The following FOXP2 variants were observed in gnomAD, a reference collection of about 807,000 sequenced individuals.
The protein encoded by FOXP2 is forkhead box protein P2.
Under a neutral mutation model 115.8 loss-of-function variants are expected in FOXP2, and 12 were observed. That is an observed-to-expected ratio of 0.10 (90% CI 0.07 to 0.17). The LOEUF (loss-of-function observed/expected upper bound fraction) is 0.17, where lower values mean the gene tolerates loss of function less well. Ranked by LOEUF, FOXP2 falls within the 10% of genes least tolerant of loss-of-function variation. The pLI is 1.00. For missense variants in FOXP2, 629 were observed against 843.5 expected (o/e 0.75, Z 3.15); for synonymous variants, 328 against 297.7 (o/e 1.10, Z -1.05).
chr7:114,257,030 C>T (rs1046149520), intron 1 of FOXP2, among the ~76,000 whole-genome samples: 1 of 152,156 alleles, frequency 6.6e-6, no homozygotes, highest in African/African-American at 2.4e-5. Context: ...CATCATGCTG[C>T]CTGACTTCAA....
intron 2 of FOXP2, among the ~76,000 whole-genome samples, chr7:114,512,047 A>G (rs1798103067): frequency 6.6e-6 from 1 of 152,166 alleles, no homozygotes; most frequent in South Asian, 2.1e-4. Context: ...TTATATTATT[A>G]TAACTTAAGA....
In FOXP2 at chr7:114,383,518, G is replaced by A. The variant is rs544702470; in HGVS notation, c.-10-42984G>A. ...CATAAACTACACTTTTTACATAATT[G>A]CGAGTTGTCTCTTAATGAAAAGAAA... On this transcript the variant is annotated intron_variant, in intron 2 of 17. Transcript: ENST00000634411. Among the ~76,000 whole-genome samples the A allele has an allele frequency of 2.0e-5, 3 of 152,218 alleles. No individual in the cohort carries two copies. The East Asian group carries it at 5.8e-4, about 29-fold the overall frequency.
intron 2 of FOXP2, among the ~76,000 whole-genome samples, chr7:114,520,866 G>A (rs1182144384): frequency 6.6e-6 from 1 of 152,098 alleles, no homozygotes; most frequent in East Asian, 1.9e-4. Context: ...AAGGCATTAT[G>A]ATAATGTGTA....
At chr7:114,132,858 G>A (rs1200985785) in intron 1 of FOXP2, among the ~76,000 whole-genome samples, 2 of 152,130 alleles carry the variant, frequency 1.3e-5, no homozygotes, top group Non-Finnish European at 2.9e-5. Context: ...TTCAGGGATA[G>A]AGAGCATAGG....
chr7:114,258,402 A>T (rs559510631), intron 1 of FOXP2, among the ~76,000 whole-genome samples: 42 of 152,314 alleles, frequency 2.8e-4, no homozygotes, highest in Middle Eastern at 6.8e-3. Context: ...TTATCTGGTG[A>T]AAAAGAAAAA....
chr7:114,112,959 A>G (rs985856360), intron 1 of FOXP2, among the ~76,000 whole-genome samples: 6 of 152,334 alleles, frequency 3.9e-5, no homozygotes, highest in Admixed American at 3.3e-4. Context: ...AGGAAACAGT[A>G]CAAAAAATTC....
At chr7:114,398,203 G>A (rs139692517) in intron 2 of FOXP2, among the ~76,000 whole-genome samples, 1,979 of 151,972 alleles carry the variant, frequency 0.013, 25 homozygotes, top group African/African-American at 0.032. Flanking sequence ...AAAAAATTAC[G>A]TTTTTCAAAA....
rs143476338 is a variant in FOXP2, at chr7:114,184,658, G to A, written c.-102+21570G>A. On this transcript the variant is annotated intron_variant, in intron 1 of 17. Transcript: ENST00000634411. ...TGAGAAGTTTCAAATGAGACATGCA[G>A]CACCCAGAATTCTTCACTGGGGCTA... Among the ~76,000 whole-genome samples the A allele has an allele frequency of 3.9e-4, 59 of 152,226 alleles. No individual in the cohort carries two copies. The East Asian group carries it at 0.01, about 26-fold the overall frequency.
intron 2 of FOXP2, among the ~76,000 whole-genome samples, chr7:114,408,579 T>C (rs1793091728): frequency 6.6e-6 from 1 of 151,810 alleles, no homozygotes; most frequent in Non-Finnish European, 1.5e-5. Flanking sequence ...ATACAAAAAT[T>C]AGCAGGGCAT....
At chr7:114,520,127 TG>T (rs980427719) in intron 2 of FOXP2, among the ~76,000 whole-genome samples, 5 of 152,140 alleles carry the variant, frequency 3.3e-5, no homozygotes, top group Non-Finnish European at 7.4e-5. Context: ...ATCAATCCTA[TG>T]GGTAATTTGA....
intron 1 of FOXP2, among the ~76,000 whole-genome samples, chr7:114,117,911 A>G (rs1387427571): frequency 1.3e-5 from 2 of 152,132 alleles, no homozygotes; most frequent in Non-Finnish European, 2.9e-5. Context: ...GAGCACAGAA[A>G]GCAAGCTCTC....
chr7:114,628,835 G>A (rs1024958948), intron 4 of FOXP2, 158 bp downstream of exon 4: 39 of 856,854 alleles, frequency 4.6e-5, no homozygotes, highest in Admixed American at 1.7e-4. Flanking sequence ...TATAGAACTC[G>A]TAAGAAAATC....
rs1371507244 is a variant in FOXP2, at chr7:114,535,254, T to A, written c.258+548T>A. Among the ~76,000 whole-genome samples, 9 of 151,842 alleles carry A rather than the reference T, an allele frequency of 5.9e-5. No homozygotes were observed. The South Asian group carries it at 1.2e-3, about 21-fold the overall frequency. ...TGTCCTGTGAAACTGATAGTATGTA[T>A]GTCTTTTAAAGTAACTTTTGTTACA... On this transcript the variant is annotated intron_variant, in intron 3 of 16. Transcript: ENST00000350908.
At chr7:114,443,650 A>G (rs1278442395) in intron 2 of FOXP2, among the ~76,000 whole-genome samples, 1 of 152,048 alleles carries the variant, frequency 6.6e-6, no homozygotes, top group Non-Finnish European at 1.5e-5. Flanking sequence ...TTTAGCTCCC[A>G]CTTATAAGTG....
At chr7:114,309,422 T>C (rs1175419784) in intron 2 of FOXP2, among the ~76,000 whole-genome samples, 1 of 152,206 alleles carries the variant, frequency 6.6e-6, no homozygotes. Flanking sequence ...TGGTAGCTTC[T>C]GCATCGGAAA....
intron 5 of FOXP2, 104 bp downstream of exon 5, chr7:114,630,109 C>G: frequency 6.3e-7 from 1 of 1,587,226 alleles, no homozygotes; most frequent in Non-Finnish European, 8.5e-7. Flanking sequence ...CTCTTGCTGT[C>G]AAAGTTGCAG....
chr7:114,586,922 A>G (rs1438071735), intron 3 of FOXP2, among the ~76,000 whole-genome samples: 1 of 152,164 alleles, frequency 6.6e-6, no homozygotes, highest in Non-Finnish European at 1.5e-5. Context: ...ATAAAAATGT[A>G]CTTTGTACTA....
intron 3 of FOXP2, among the ~76,000 whole-genome samples, chr7:114,538,763 A>G (rs1167908199): frequency 2.0e-5 from 3 of 151,786 alleles, no homozygotes; most frequent in Non-Finnish European, 4.4e-5. Flanking sequence ...CTTGTTGGAT[A>G]TTAGCTTATG....
At chr7:114,575,790 G>C (rs1801546875) in intron 3 of FOXP2, among the ~76,000 whole-genome samples, 1 of 151,872 alleles carries the variant, frequency 6.6e-6, no homozygotes. Flanking sequence ...AAACATATTA[G>C]CAGAGAGTAA....
Sources: gnomAD v4.1 joint callset for allele counts (sites outside exome capture counted in the v4.1 genomes callset) on GRCh38, gnomAD v4.1.1 for gene constraint, MANE v1.5 for transcripts, NCBI Gene and HGNC (gene_info 2026-07-23, HGNC 2026-07-21) for gene names.